TEC: variants seen among roughly 807,000 people sequenced by gnomAD.
The protein encoded by TEC is tyrosine-protein kinase Tec.
TEC carries 72 observed loss-of-function variants against 93.0 expected under a neutral mutation model. That is an observed-to-expected ratio of 0.77 (90% CI 0.64 to 0.94). The LOEUF is 0.94. TEC is among the 40% of genes least tolerant of loss of function. The pLI is 0.00. For synonymous variants in TEC, 249 were observed against 247.7 expected (o/e 1.01, Z -0.05); for missense variants, 630 against 757.9 (o/e 0.83, Z 1.98).
At chr4:48,211,521 G>A (rs760164934) in intron 2 of TEC, among the ~76,000 whole-genome samples, 5 of 152,106 alleles carry the variant, frequency 3.3e-5, no homozygotes, top group Non-Finnish European at 7.4e-5. Flanking sequence ...ATCAGTCCTA[G>A]TCAGGATAAG....
chr4:48,198,807 A>G (rs1235856523), intron 2 of TEC, among the ~76,000 whole-genome samples: 5 of 152,226 alleles, frequency 3.3e-5, no homozygotes, highest in Non-Finnish European at 5.9e-5. Flanking sequence ...AAGAAAAAAG[A>G]AAAAACTAAA....
At chr4:48,221,893 A>G (rs933147181) in intron 2 of TEC, among the ~76,000 whole-genome samples, 8 of 152,286 alleles carry the variant, frequency 5.3e-5, no homozygotes, top group African/African-American at 1.9e-4. Context: ...GGGCTTGCCA[A>G]AATGTATATT....
At chr4:48,230,102 T>TAAA (rs1553894221) in intron 1 of TEC, among the ~76,000 whole-genome samples, 6 of 115,824 alleles carry the variant, frequency 5.2e-5, no homozygotes, top group Non-Finnish European at 1.1e-4. Flanking sequence ...ATAATAATAA[T>TAAA]AAATAAATAA....
chr4:48,163,568 A>G, intron 8 of TEC, 134 bp downstream of exon 8: 1 of 602,828 alleles, frequency 1.7e-6, no homozygotes, highest in Non-Finnish European at 2.9e-6. Context: ...ACATCAGGCA[A>G]TTGAGTTAAG....
In TEC at chr4:48,176,082, C is replaced by G; in HGVS notation, c.243G>C (p.Gln81His). ...CTGCCACAAAAATACACCAGCTCAC[C>G]TGAAATGGATACTTATTTTGACAGG... The part of the protein sequence containing the change: ...VIPCQNKYPF[Q>H]VVHDANTLYI... Residue 81 changes from glutamine (Q) to histidine (H), a missense_variant and splice_region_variant, in exon 3 of 18, where the codon CAG becomes CAC. This residue lies in a region of TEC where 335 missense variants were observed against 351.5 expected (regional missense o/e 0.95). Transcript: ENST00000381501. 1 of 1,612,004 alleles carries G rather than the reference C, an allele frequency of 6.2e-7. No individual in the cohort carries two copies. The highest frequency in any genetic ancestry group is 2.2e-5 in the East Asian group (1 of 44,878).
intron 1 of TEC, among the ~76,000 whole-genome samples, chr4:48,237,190 T>G (rs993476750): frequency 1.3e-5 from 2 of 151,934 alleles, no homozygotes; most frequent in Non-Finnish European, 2.9e-5. Flanking sequence ...CGTGTTGGCA[T>G]GCACCTATAG....
intron 10 of TEC, among the ~76,000 whole-genome samples, 163 bp from the exon 11 acceptor site, chr4:48,149,853 T>C (rs991798054): frequency 6.6e-6 from 1 of 152,250 alleles, no homozygotes; most frequent in Non-Finnish European, 1.5e-5. Context: ...GTCTTTCATA[T>C]TAGCATGTCA....
At chr4:48,244,682 T>G (rs1309239628) in intron 1 of TEC, among the ~76,000 whole-genome samples, 1 of 152,250 alleles carries the variant, frequency 6.6e-6, no homozygotes, top group Non-Finnish European at 1.5e-5. Flanking sequence ...TATCAGGTAC[T>G]GTGACAGGGA....
At chr4:48,144,106 CTT>C (rs1719799844) in intron 14 of TEC, among the ~76,000 whole-genome samples, 1 of 151,982 alleles carries the variant, frequency 6.6e-6, no homozygotes, top group African/African-American at 2.4e-5. Flanking sequence ...GTCTCAGCTA[CTT>C]GGGGGCTGAG....
At chr4:48,143,708 G>A (rs1719779488) in intron 14 of TEC, among the ~76,000 whole-genome samples, 1 of 152,170 alleles carries the variant, frequency 6.6e-6, no homozygotes, top group Non-Finnish European at 1.5e-5. Flanking sequence ...GCATAGCATA[G>A]TAGTTAAGTA....
At position 48,137,217 on chromosome 4, in the gene TEC, T is replaced by C. The variant is rs1485006594; in HGVS notation, c.*199A>G. 3 of 567,356 alleles carry C rather than the reference T, an allele frequency of 5.3e-6. No homozygotes were observed. The East Asian group carries it at 9.0e-5, about 17-fold the overall frequency. The allele number at this position is 567,356 out of a possible 1,614,324, so 35.1% of individuals were successfully genotyped here. A position where few individuals can be genotyped will look rare whatever the true frequency, so the allele number is the denominator to read the frequency against. On this transcript the variant is annotated 3_prime_UTR_variant, in exon 18 of 18. Transcript: ENST00000381501. ...AATGAGTGATTTTAATCACCATTTC[T>C]AAGGCAACATTTCCACACTCTGGGA...
At chr4:48,250,824 A>G (rs1438857567) in intron 1 of TEC, among the ~76,000 whole-genome samples, 1 of 152,208 alleles carries the variant, frequency 6.6e-6, no homozygotes, top group Non-Finnish European at 1.5e-5. Context: ...AAGATCAACC[A>G]AGCCCAGCCA....
chr4:48,263,891 G>A (rs1005533920), intron 1 of TEC, among the ~76,000 whole-genome samples: 2 of 152,178 alleles, frequency 1.3e-5, no homozygotes, highest in Middle Eastern at 3.4e-3. Flanking sequence ...AGCCTGATCC[G>A]AAAATGTTTC....
chr4:48,219,576 AGTGCAGAGAAGAAAATGCTGACGT>A (rs1204954783), intron 2 of TEC, among the ~76,000 whole-genome samples: 11 of 152,340 alleles, frequency 7.2e-5, no homozygotes, highest in Admixed American at 3.9e-4. Context: ...CTTTCTTATA[AGTGCAGAGAAGAAAATGCTGACGT>A]GTGCAGAGAA....
chr4:48,253,306 T>G (rs546348640), intron 1 of TEC, among the ~76,000 whole-genome samples: 1 of 152,322 alleles, frequency 6.6e-6, no homozygotes, highest in South Asian at 2.1e-4. Context: ...TTCTCCCTGC[T>G]TCCACATAAC....
intron 14 of TEC, 111 bp downstream of exon 14, chr4:48,144,968 G>T: frequency 2.2e-6 from 2 of 915,088 alleles, no homozygotes; most frequent in Non-Finnish European, 1.7e-6. Context: ...AAATAATGGT[G>T]AAAGATTGTT....
intron 8 of TEC, among the ~76,000 whole-genome samples, chr4:48,159,912 A>G (rs1006194175): frequency 1.3e-5 from 2 of 152,132 alleles, no homozygotes; most frequent in Non-Finnish European, 2.9e-5. Flanking sequence ...GAATGGTACC[A>G]AGCCATTCAT....
At chr4:48,207,925 A>G (rs1722770705) in intron 2 of TEC, among the ~76,000 whole-genome samples, 1 of 152,264 alleles carries the variant, frequency 6.6e-6, no homozygotes, top group Admixed American at 6.5e-5. Context: ...GAAGAAAAGA[A>G]GAGGAAATTG....
At chr4:48,205,836 C>A (rs571837707) in intron 2 of TEC, among the ~76,000 whole-genome samples, 43 of 152,344 alleles carry the variant, frequency 2.8e-4, no homozygotes, top group African/African-American at 1.0e-3. Context: ...AATTCAGCTC[C>A]TATATCCCAG....
Sources: allele counts gnomAD v4.1 joint callset (sites outside exome capture counted in the v4.1 genomes callset), GRCh38; gene constraint gnomAD v4.1.1; regional missense constraint gnomAD v4.1.1; transcripts MANE v1.5; gene names NCBI Gene and HGNC (gene_info 2026-07-23, HGNC 2026-07-21).